The following FTO variants were observed in gnomAD, a reference collection of about 807,000 sequenced individuals.
FTO encodes the protein FTO alpha-ketoglutarate dependent dioxygenase, also known as alpha-ketoglutarate-dependent dioxygenase FTO.
FTO carries 47 observed loss-of-function variants against 63.9 expected under a neutral mutation model. The observed-to-expected ratio is 0.74, with a 90% CI of 0.58 to 0.94. FTO has a LOEUF of 0.94. Among genes scored for constraint, FTO ranks in the 40% least tolerant of loss-of-function variants. The pLI, the probability that FTO is intolerant of heterozygous loss-of-function variation, is 0.00. For synonymous variants in FTO, 207 were observed against 224.4 expected (o/e 0.92, Z 0.69); for missense variants, 562 against 618.1 (o/e 0.91, Z 0.96).
chr16:53,801,852 C>T (rs1325111293), intron 1 of FTO, among the ~76,000 whole-genome samples: 1 of 151,966 alleles, frequency 6.6e-6, no homozygotes, highest in Non-Finnish European at 1.5e-5. Flanking sequence ...CTCCACCTCC[C>T]AGGTTCAAGT....
intron 1 of FTO, among the ~76,000 whole-genome samples, chr16:53,770,437 G>T (rs1329097276): frequency 6.6e-6 from 1 of 152,124 alleles, no homozygotes; most frequent in Non-Finnish European, 1.5e-5. Flanking sequence ...GCATTGCAGA[G>T]AAACCTTTTA....
chr16:53,970,604 A>G (rs1053179654), intron 8 of FTO, among the ~76,000 whole-genome samples: 1 of 151,460 alleles, frequency 6.6e-6, no homozygotes, highest in Non-Finnish European at 1.5e-5. Flanking sequence ...AAAAAAAAAA[A>G]AAAGAAAAGA....
At chr16:53,910,417 G>C (rs1302373003) in intron 7 of FTO, among the ~76,000 whole-genome samples, 6 of 152,172 alleles carry the variant, frequency 3.9e-5, no homozygotes, top group Admixed American at 6.5e-5. Context: ...ATTGTGGATA[G>C]ACTAGAGAGG....
chr16:54,070,878 A>G (rs2085851031), intron 8 of FTO: 1 of 152,238 alleles, frequency 6.6e-6, no homozygotes, highest in Admixed American at 6.5e-5. Flanking sequence ...AAAGAGACAG[A>G]CAGGAATTGT....
intron 6 of FTO, among the ~76,000 whole-genome samples, chr16:53,882,917 C>G (rs906884716): frequency 7.9e-5 from 12 of 152,130 alleles, no homozygotes; most frequent in African/African-American, 2.9e-4. Flanking sequence ...GTAGTAACCA[C>G]TTTTGATGCT....
chr16:54,118,640 A>T lies in FTO; in HGVS notation c.*6725A>T, dbSNP rs537852694. ...AGCGCTGAGATTACAAGCGTGAGCC[A>T]CTACGCCTTGCCCTCCACACAGCCT... On this transcript the variant is annotated 3_prime_UTR_variant, in exon 9 of 9. Coordinates refer to ENST00000471389, the MANE Select transcript of FTO (RefSeq NM_001080432.3). 1 of 152,356 alleles carries T rather than the reference A, an allele frequency of 6.6e-6. No homozygotes were observed. Among genetic ancestry groups the T allele is most frequent in the East Asian group, 1.9e-4 (1 of 5,170 alleles). 9.4% of individuals were successfully genotyped at this position (152,356 alleles called of 1,614,324 possible). A position where few individuals can be genotyped will look rare whatever the true frequency, so the allele number is the denominator to read the frequency against.
rs887387878 is a variant in FTO, at chr16:53,920,735, A to G, written c.1240-13250A>G. On this transcript the variant is annotated intron_variant, in intron 7 of 8. Transcript: ENST00000471389. ...TCTTTAAAATGGAGATGCTTGATAT[A>G]TGGTGATTGCTGGATGAAGTGAGAT... Among the ~76,000 whole-genome samples the G allele has an allele frequency of 7.9e-5, 12 of 152,186 alleles. No homozygotes were observed. The South Asian group carries it at 2.1e-3, about 26-fold the overall frequency.
At chr16:53,865,126 G>A (rs1405484978) in intron 4 of FTO, among the ~76,000 whole-genome samples, 2 of 152,164 alleles carry the variant, frequency 1.3e-5, no homozygotes, top group African/African-American at 2.4e-5. Context: ...TAGCATAGGA[G>A]TAATAAGGCT....
intron 7 of FTO, among the ~76,000 whole-genome samples, chr16:53,893,663 TA>T (rs775279662): frequency 0.012 from 1,791 of 145,074 alleles, 14 homozygotes; most frequent in Non-Finnish European, 0.019. Context: ...CTATTGACCT[TA>T]AAAAAAAAAA....
At chr16:53,969,436 A>T (rs1488602769) in intron 8 of FTO, among the ~76,000 whole-genome samples, 1 of 152,162 alleles carries the variant, frequency 6.6e-6, no homozygotes, top group Non-Finnish European at 1.5e-5. Flanking sequence ...GTAGACTAGA[A>T]AATTACTTGC....
At chr16:53,825,736 C>T in intron 2 of FTO, 128 bp from the exon 3 acceptor site, 4 of 990,956 alleles carry the variant, frequency 4.0e-6, no homozygotes, top group South Asian at 3.9e-5. Flanking sequence ...AGATGTGACT[C>T]CTATTTAGAA....
chr16:54,032,195 A>G (rs1436831402), intron 8 of FTO, among the ~76,000 whole-genome samples: 2 of 152,220 alleles, frequency 1.3e-5, no homozygotes, highest in Admixed American at 6.5e-5. Context: ...TGTTCCTGAA[A>G]TGAGGTGATG....
intron 8 of FTO, among the ~76,000 whole-genome samples, chr16:54,091,533 C>G (rs1403741789): frequency 6.6e-6 from 1 of 152,054 alleles, no homozygotes; most frequent in Non-Finnish European, 1.5e-5. Flanking sequence ...AGAGAGAGAC[C>G]CTGTGTCTTA....
intron 8 of FTO, among the ~76,000 whole-genome samples, chr16:53,964,043 G>A (rs898946445): frequency 3.3e-5 from 5 of 152,170 alleles, no homozygotes; most frequent in African/African-American, 7.2e-5. Flanking sequence ...GTGAGCCACC[G>A]CGCCCGGCCT....
chr16:53,984,687 C>T (rs1404099749), intron 8 of FTO, among the ~76,000 whole-genome samples: 1 of 152,050 alleles, frequency 6.6e-6, no homozygotes, highest in Admixed American at 6.5e-5. Flanking sequence ...TCCCAGAGCC[C>T]CTAAAGCATC....
intron 8 of FTO, among the ~76,000 whole-genome samples, chr16:53,949,725 C>T (rs369910477): frequency 6.7e-6 from 1 of 149,600 alleles, no homozygotes; most frequent in African/African-American, 2.4e-5. Context: ...CCCAGTGAGA[C>T]TTTATTTTGG....
intron 1 of FTO, among the ~76,000 whole-genome samples, chr16:53,805,630 C>A (rs567895353): frequency 6.6e-6 from 1 of 151,854 alleles, no homozygotes; most frequent in African/African-American, 2.4e-5. Context: ...TGTATTTTTT[C>A]GTAGAGACGG....
At chr16:53,950,772 A>ATGAGGACCTCATG (rs1215133154) in intron 8 of FTO, among the ~76,000 whole-genome samples, 2 of 152,214 alleles carry the variant, frequency 1.3e-5, no homozygotes, top group Non-Finnish European at 2.9e-5. Flanking sequence ...GTGGGGAATT[A>ATGAGGACCTCATG]TGAGGACCTC....
At chr16:53,947,219 C>T (rs2082670651) in intron 8 of FTO, among the ~76,000 whole-genome samples, 1 of 152,080 alleles carries the variant, frequency 6.6e-6, no homozygotes, top group African/African-American at 2.4e-5. Context: ...CTGTCCTGGC[C>T]CTGTCAGACA....
Sources: allele counts gnomAD v4.1 joint callset (sites outside exome capture counted in the v4.1 genomes callset), GRCh38; gene constraint gnomAD v4.1.1; transcripts MANE v1.5; gene names NCBI Gene and HGNC (gene_info 2026-07-23, HGNC 2026-07-21).